The following TMEM132C variants were observed in gnomAD, a reference collection of about 807,000 sequenced individuals.
TMEM132C encodes the protein protein phosphatase 1, regulatory subunit 152.
A neutral mutation model predicts 61.4 loss-of-function variants in TMEM132C; 29 were observed. The ratio of observed to expected loss-of-function variants is 0.47; its 90% confidence interval spans 0.35 to 0.64. The LOEUF (loss-of-function observed/expected upper bound fraction) is 0.64, where lower values mean the gene tolerates loss of function less well. Among genes scored for constraint, TMEM132C ranks in the 30% least tolerant of loss-of-function variants. TMEM132C has a pLI of 0.00. For missense variants in TMEM132C, 1,408 were observed against 1,476.9 expected, an observed-to-expected ratio of 0.95 and a Z score of 0.76; for synonymous variants, 656 against 633.1, an observed-to-expected ratio of 1.04 and a Z score of -0.54.
At chr12:128,516,617 A>T (rs970011973) in intron 2 of TMEM132C, among the ~76,000 whole-genome samples, 2 of 152,006 alleles carry the variant, frequency 1.3e-5, no homozygotes, top group Non-Finnish European at 2.9e-5. Flanking sequence ...AAAAAACCTT[A>T]AAAAAAAGAT....
intron 4 of TMEM132C, among the ~76,000 whole-genome samples, chr12:128,665,621 G>A (rs1232634115): frequency 4.2e-5 from 5 of 120,308 alleles, no homozygotes; most frequent in Non-Finnish European, 8.8e-5. Flanking sequence ...CCAAACACAG[G>A]CACACACACA....
At chr12:128,619,302 A>C (rs115700088) in intron 4 of TMEM132C, among the ~76,000 whole-genome samples, 1,584 of 152,336 alleles carry the variant, frequency 0.01, 23 homozygotes, top group African/African-American at 0.032. Flanking sequence ...AAAATCAAGC[A>C]TTCTGAAGCT....
intron 3 of TMEM132C, among the ~76,000 whole-genome samples, chr12:128,572,666 C>T (rs944889929): frequency 2.4e-4 from 37 of 151,982 alleles, no homozygotes; most frequent in African/African-American, 4.4e-4. Context: ...CACATGCCCA[C>T]TGTGGCCTCT....
chr12:128,600,138 G>A lies in TMEM132C; in HGVS notation c.1122-16014G>A, dbSNP rs557214500. Among the ~76,000 whole-genome samples the A allele has an allele frequency of 5.7e-3, 861 of 152,118 alleles. 4 individuals are homozygous for A. The highest frequency in any genetic ancestry group is 0.015 in the African/African-American group (607 of 41,492). On this transcript the variant is annotated intron_variant, in intron 3 of 8. Coordinates refer to ENST00000435159, the MANE Select transcript of TMEM132C (RefSeq NM_001136103.3). The stretch of plus-strand genomic sequence containing the variant: ...GCTGGGACTACAGACGCCCGCCACT[G>A]CGCCCGGCTAATTTTTTGTATTTTT...
At chr12:128,498,349 A>G (rs974851332) in intron 2 of TMEM132C, among the ~76,000 whole-genome samples, 4 of 150,912 alleles carry the variant, frequency 2.7e-5, no homozygotes, top group African/African-American at 9.7e-5. Flanking sequence ...AACTGTCTCT[A>G]TGTGCCAATG....
chr12:128,364,204 A>G (rs1197797691), intron 1 of TMEM132C, among the ~76,000 whole-genome samples: 1 of 150,542 alleles, frequency 6.6e-6, no homozygotes, highest in Non-Finnish European at 1.5e-5. Context: ...ACATTAAAAC[A>G]TCAGATTCTC....
chr12:128,454,179 G>A (rs114308866), intron 2 of TMEM132C, among the ~76,000 whole-genome samples: 2,850 of 152,230 alleles, frequency 0.019, 83 homozygotes, highest in African/African-American at 0.064. Flanking sequence ...TTCACACATC[G>A]AATAATAATA....
At position 128,616,405 on chromosome 12, in the gene TMEM132C, G is replaced by A. The variant is rs1334028142; in HGVS notation, c.1305+70G>A. On this transcript the variant is annotated intron_variant, in intron 4 of 8. Coordinates refer to ENST00000435159, the MANE Select transcript of TMEM132C (RefSeq NM_001136103.3). The stretch of plus-strand genomic sequence containing the variant: ...ACTGCATCCTGTGTCCTTCCTATCT[G>A]TCATGGGATGTTTGCTACAATGATT... The A allele has an allele frequency of 1.4e-5, 19 of 1,399,640 alleles. No individual in the cohort carries two copies. In the East Asian group the frequency reaches 4.8e-4, roughly 35 times the overall value. 86.7% of individuals were successfully genotyped at this position (1,399,640 alleles called of 1,614,324 possible). A position where few individuals can be genotyped will look rare whatever the true frequency, so the allele number is the denominator to read the frequency against.
At chr12:128,354,059 G>A (rs1002824921) in intron 1 of TMEM132C, among the ~76,000 whole-genome samples, 3 of 152,188 alleles carry the variant, frequency 2.0e-5, no homozygotes, top group African/African-American at 7.2e-5. Flanking sequence ...TTGCCAGGGT[G>A]GCTTGAGTCT....
At chr12:128,442,850 A>G (rs908871092) in intron 2 of TMEM132C, among the ~76,000 whole-genome samples, 3 of 152,200 alleles carry the variant, frequency 2.0e-5, no homozygotes, top group Non-Finnish European at 4.4e-5. Context: ...CCCCAAAAAG[A>G]AACTCCATTC....
intron 6 of TMEM132C, 116 bp from the exon 7 acceptor site, chr12:128,695,714 C>T: frequency 8.4e-7 from 1 of 1,188,778 alleles, no homozygotes; most frequent in Non-Finnish European, 1.1e-6. Flanking sequence ...TTGCATGGTC[C>T]TGGCGCTCGT....
chr12:128,374,938 A>G (rs1318103399), intron 1 of TMEM132C, among the ~76,000 whole-genome samples: 1 of 111,780 alleles, frequency 8.9e-6, no homozygotes, highest in Non-Finnish European at 1.8e-5. Flanking sequence ...AAAAAAAAAA[A>G]TGCTGCAGGA....
At chr12:128,433,205 T>A (rs938346748) in intron 2 of TMEM132C, among the ~76,000 whole-genome samples, 1 of 151,738 alleles carries the variant, frequency 6.6e-6, no homozygotes, top group East Asian at 1.9e-4. Context: ...AAAAAAAAAA[T>A]GTTTGACTCA....
intron 1 of TMEM132C, among the ~76,000 whole-genome samples, chr12:128,403,239 A>G (rs1266877982): frequency 6.6e-6 from 1 of 152,228 alleles, no homozygotes; most frequent in Non-Finnish European, 1.5e-5. Context: ...AGAGGAAAAA[A>G]TATTCAGGCT....
intron 3 of TMEM132C, among the ~76,000 whole-genome samples, chr12:128,596,141 G>T (rs1210016773): frequency 6.6e-6 from 1 of 151,348 alleles, no homozygotes; most frequent in African/African-American, 2.4e-5. Flanking sequence ...TGCCCCTTTC[G>T]CAGGTCCTGG....
chr12:128,344,151 A>T (rs1031673332), intron 1 of TMEM132C, among the ~76,000 whole-genome samples: 1 of 151,766 alleles, frequency 6.6e-6, no homozygotes, highest in Admixed American at 6.6e-5. Context: ...ATATGTTTTT[A>T]TTTCTTTTTA....
At chr12:128,491,747 C>T (rs558367975) in intron 2 of TMEM132C, among the ~76,000 whole-genome samples, 2 of 152,036 alleles carry the variant, frequency 1.3e-5, no homozygotes, top group East Asian at 1.9e-4. Flanking sequence ...GTTGTACCGG[C>T]TCTCAACTGC....
At chr12:128,511,845 G>C (rs1428043201) in intron 2 of TMEM132C, among the ~76,000 whole-genome samples, 1 of 152,136 alleles carries the variant, frequency 6.6e-6, no homozygotes, top group Non-Finnish European at 1.5e-5. Flanking sequence ...GCTGGCCCAG[G>C]GCCTCCTAGT....
chr12:128,492,723 T>C (rs1871786238), intron 2 of TMEM132C, among the ~76,000 whole-genome samples: 1 of 152,232 alleles, frequency 6.6e-6, no homozygotes, highest in Non-Finnish European at 1.5e-5. Flanking sequence ...GTAAATTTGT[T>C]TGAGTTCTTC....
Sources: gnomAD v4.1 joint callset for allele counts (sites outside exome capture counted in the v4.1 genomes callset) on GRCh38, gnomAD v4.1.1 for gene constraint, MANE v1.5 for transcripts, NCBI Gene and HGNC (gene_info 2026-07-23, HGNC 2026-07-21) for gene names.